Variants in CARMIL1 observed in about 807,000 individuals in gnomAD.
CARMIL1 encodes the protein F-actin-uncapping protein LRRC16A.
Under a neutral mutation model 177.1 loss-of-function variants are expected in CARMIL1, and 90 were observed. The ratio of observed to expected loss-of-function variants is 0.51; its 90% CI spans 0.43 to 0.61. The LOEUF is 0.61. Ranked by LOEUF, CARMIL1 falls within the 20% of genes least tolerant of loss-of-function variation. The pLI is 0.00. For synonymous variants in CARMIL1, 577 were observed against 606.2 expected (o/e 0.95, Z 0.71); for missense variants, 1,380 against 1,667.0 (o/e 0.83, Z 3.00).
Position 25,379,801 on chromosome 6 carries a change from G to T in CARMIL1, c.139-40313G>T, listed in dbSNP as rs1336725068. On this transcript the variant is annotated intron_variant, in intron 2 of 36. Transcript: ENST00000329474. ...GTTAAGTAAACCAAAAGGCTCACTT[G>T]CTTTTTCTGCCATTTCTTTTTCTTT... Among the ~76,000 whole-genome samples the T allele has an allele frequency of 3.9e-5, 6 of 152,222 alleles. No homozygotes were observed. The East Asian group carries it at 1.2e-3, about 29-fold the overall frequency.
chr6:25,620,371 AG>A lies in CARMIL1; in HGVS notation c.*789del, dbSNP rs1759643488. On this transcript the variant is annotated 3_prime_UTR_variant, in exon 37 of 37. Coordinates refer to ENST00000329474, the MANE Select transcript of CARMIL1 (RefSeq NM_017640.6). ...GGCCTTTAATTTCTGTCTGCATATTAGCTTTTAATGTGTGATTTTAAGAGAG... is the reference window on the plus strand; with the variant it reads ...GGCCTTTAATTTCTGTCTGCATATTACTTTTAATGTGTGATTTTAAGAGAG... 6.6e-6 allele frequency: 1 copy of A among 152,222 alleles called. No homozygotes were observed. The highest frequency in any genetic ancestry group is 2.1e-4 in the South Asian group (1 of 4,826). The allele number at this position is 152,222 out of a possible 1,614,324, so 9.4% of individuals were successfully genotyped here. A position where few individuals can be genotyped will look rare whatever the true frequency, so the allele number is the denominator to read the frequency against.
intron 2 of CARMIL1, among the ~76,000 whole-genome samples, chr6:25,337,211 A>G (rs1440015808): frequency 6.6e-6 from 1 of 152,210 alleles, no homozygotes; most frequent in Admixed American, 6.5e-5. Context: ...TTGTAAGTTA[A>G]TAAGTATCTT....
chr6:25,390,000 C>T (rs1792589333), intron 2 of CARMIL1, among the ~76,000 whole-genome samples: 1 of 151,858 alleles, frequency 6.6e-6, no homozygotes, highest in African/African-American at 2.4e-5. Flanking sequence ...AAAAAACAAA[C>T]AGATTTTAAA....
chr6:25,458,637 G>A (rs1281080923), intron 8 of CARMIL1, among the ~76,000 whole-genome samples: 2 of 151,976 alleles, frequency 1.3e-5, no homozygotes, highest in Non-Finnish European at 2.9e-5. Context: ...AGAGTATGAA[G>A]ATTCTTTTGA....
intron 24 of CARMIL1, among the ~76,000 whole-genome samples, chr6:25,536,696 T>C (rs1311110987): frequency 6.6e-6 from 1 of 152,166 alleles, no homozygotes; most frequent in East Asian, 1.9e-4. Context: ...AGACATGGGC[T>C]CTGTAATCAG....
intron 3 of CARMIL1, 86 bp from the exon 4 acceptor site, chr6:25,426,412 ATTT>A (rs5875038): frequency 0.081 from 60,961 of 748,372 alleles, 15 homozygotes; most frequent in East Asian, 0.15. Context: ...TAGTTGTAGG[ATTT>A]TTTTTTTTTT....
rs191225826 is a variant in CARMIL1 at position 25,374,950 on chromosome 6, G to A, written c.139-45164G>A. Among the ~76,000 whole-genome samples the A allele has an allele frequency of 4.7e-3, 713 of 152,182 alleles. 12 individuals are homozygous for A. The highest frequency in any genetic ancestry group is 0.031 in the Middle Eastern group (9 of 294). ...ATTCTCTTGAAGACAGCAGATATTC[G>A]ATTTGTAACTTTTTATCCATTCTGC... On this transcript the variant is annotated intron_variant, in intron 2 of 36. Coordinates refer to ENST00000329474, the MANE Select transcript of CARMIL1 (RefSeq NM_017640.6).
chr6:25,603,841 T>A (rs1429789963), intron 33 of CARMIL1, among the ~76,000 whole-genome samples: 1 of 152,168 alleles, frequency 6.6e-6, no homozygotes, highest in Non-Finnish European at 1.5e-5. Flanking sequence ...AACTTTCTAC[T>A]CCTACCCCAA....
Position 25,399,063 on chromosome 6 carries a change from C to G in CARMIL1, c.139-21051C>G, listed in dbSNP as rs542979798. Among the ~76,000 whole-genome samples, 7 of 152,274 alleles carry G rather than the reference C, an allele frequency of 4.6e-5. No homozygotes were observed. In the South Asian group the frequency reaches 6.2e-4, roughly 14 times the overall value. On this transcript the variant is annotated intron_variant, in intron 2 of 36. Transcript: ENST00000329474. ...TCAAAAACACCCCCCTTTTCTTCCC[C>G]GCTCACAGATGGTTCAAAAAAGGAA...
Position 25,377,810 on chromosome 6 carries a change from T to A in CARMIL1, c.139-42304T>A, listed in dbSNP as rs114636693. Among the ~76,000 whole-genome samples, 742 of 152,192 alleles carry A rather than the reference T, an allele frequency of 4.9e-3. 6 individuals carry two copies. Among genetic ancestry groups the A allele is most frequent in the African/African-American group, 0.017 (700 of 41,524 alleles). On this transcript the variant is annotated intron_variant, in intron 2 of 36. Transcript: ENST00000329474. ...GTCTTCTTCTGCCTGAAGATGCTAA[T>A]CTCCTATGTCAGTTGGCCTCCAACC...
intron 5 of CARMIL1, among the ~76,000 whole-genome samples, chr6:25,437,134 A>T (rs1194617841): frequency 6.6e-6 from 1 of 152,186 alleles, no homozygotes; most frequent in Non-Finnish European, 1.5e-5. Context: ...CATCTTCCTT[A>T]AACTACATTT....
chr6:25,412,556 A>T (rs896046070), intron 2 of CARMIL1, among the ~76,000 whole-genome samples: 2 of 152,208 alleles, frequency 1.3e-5, no homozygotes, highest in African/African-American at 2.4e-5. Context: ...ACCCTAGGTG[A>T]CAGAGTGAGA....
intron 36 of CARMIL1, among the ~76,000 whole-genome samples, chr6:25,613,173 T>C (rs1427957090): frequency 6.6e-6 from 1 of 152,238 alleles, no homozygotes; most frequent in Non-Finnish European, 1.5e-5. Context: ...AGTTTATTTT[T>C]ATAATTGGGG....
At chr6:25,308,248 T>G (rs962672512) in intron 2 of CARMIL1, among the ~76,000 whole-genome samples, 3 of 152,188 alleles carry the variant, frequency 2.0e-5, no homozygotes, top group African/African-American at 7.2e-5. Flanking sequence ...CAGTTTGTAG[T>G]CAGCTGTGGA....
chr6:25,551,170 G>A, intron 27 of CARMIL1, 85 bp downstream of exon 27: 1 of 1,046,020 alleles, frequency 9.6e-7, no homozygotes, highest in South Asian at 1.5e-5. Context: ...ATTGTTGGCT[G>A]TATCCATATA....
In CARMIL1 at chr6:25,459,242, C is replaced by CTTTCTTTCTTTCTTTCTT. The variant is rs1554200821; in HGVS notation, c.615-6629_615-6612dup. On this transcript the variant is annotated intron_variant, in intron 8 of 36. Transcript: ENST00000329474. ...TCTTTCTTTCTTTCTTTCTTTCTTT[C>CTTTCTTTCTTTCTTTCTT]TTTCTTTCTTTCTTTCTTTCTTTCT... Among the ~76,000 whole-genome samples the CTTTCTTTCTTTCTTTCTT allele has an allele frequency of 1.8e-3, 186 of 100,788 alleles. 4 individuals carry two copies. The highest frequency in any genetic ancestry group is 5.0e-3 in the African/African-American group (136 of 27,166). 66.1% of individuals were successfully genotyped at this position (100,788 alleles called of 152,430 possible).
chr6:25,586,846 C>G (rs986754655), intron 31 of CARMIL1, among the ~76,000 whole-genome samples: 10 of 151,934 alleles, frequency 6.6e-5, no homozygotes, highest in African/African-American at 2.2e-4. Flanking sequence ...CCCAGGCACT[C>G]GGCAGGCTGA....
At chr6:25,391,218 G>A (rs1342157412) in intron 2 of CARMIL1, among the ~76,000 whole-genome samples, 1 of 152,186 alleles carries the variant, frequency 6.6e-6, no homozygotes, top group Non-Finnish European at 1.5e-5. Flanking sequence ...ATCCACTAAT[G>A]TCATTATAAT....
Position 25,434,547 on chromosome 6 carries a change from C to T in CARMIL1, c.250-936C>T, listed in dbSNP as rs547909347. 2.5e-3 allele frequency among the ~76,000 whole-genome samples: 280 copies of T among 113,350 alleles called. 6 individuals carry two copies. Among genetic ancestry groups the T allele is most frequent in the East Asian group, 8.0e-4 (3 of 3,740 alleles). The allele number at this position is 113,350 out of a possible 152,430, so 74.4% of individuals were successfully genotyped here. A position where few individuals can be genotyped will look rare whatever the true frequency, so the allele number is the denominator to read the frequency against. ...TTTTTTTTTTTTTTTTTTTTTTAGA[C>T]GGAGTCTTGCTCTGTCATCAGGCTG... On this transcript the variant is annotated intron_variant, in intron 4 of 36. Coordinates refer to ENST00000329474, the MANE Select transcript of CARMIL1 (RefSeq NM_017640.6).
Sources: gnomAD v4.1 joint callset for allele counts (sites outside exome capture counted in the v4.1 genomes callset) on GRCh38, gnomAD v4.1.1 for gene constraint, MANE v1.5 for transcripts, NCBI Gene and HGNC (gene_info 2026-07-23, HGNC 2026-07-21) for gene names.